TENM1: variants seen among roughly 807,000 people sequenced by gnomAD.
TENM1 encodes teneurin-1.
A neutral mutation model predicts 174.8 loss-of-function variants in TENM1; 35 were observed. That is an observed-to-expected ratio of 0.20 (90% CI 0.15 to 0.27). The LOEUF is 0.27. TENM1 is among the 10% of genes least tolerant of loss of function. TENM1 has a pLI of 1.00. For missense variants in TENM1, 1,633 were observed against 2,130.1 expected (o/e 0.77, Z 4.59); for synonymous variants, 781 against 798.7 (o/e 0.98, Z 0.37).
intron 27 of TENM1, among the ~76,000 whole-genome samples, chrX:124,394,464 ATCTTAG>A (rs1178610651): frequency 8.9e-6 from 1 of 112,075 alleles, no homozygotes; most frequent in African/African-American, 3.2e-5. Context: ...AAGAGTTTTG[ATCTTAG>A]AGGTCTGGAT....
In TENM1 at chrX:124,894,934, A is replaced by G. The variant is rs143350454; in HGVS notation, c.479-582T>C. 3.2e-3 allele frequency among the ~76,000 whole-genome samples: 352 copies of G among 111,473 alleles called. 3 individuals are homozygous for G. Among genetic ancestry groups the G allele is most frequent in the African/African-American group, 0.011 (336 of 30,717 alleles). On this transcript the variant is annotated intron_variant, in intron 2 of 31. Transcript: ENST00000422452. ...TACTCTTGGCCAAAGTCAACAATGC[A>G]TACATGAACACATACATATATGAAA...
intron 1 of TENM1, among the ~76,000 whole-genome samples, chrX:124,945,404 G>A (rs775048206): frequency 6.0e-4 from 67 of 110,799 alleles, no homozygotes; most frequent in South Asian, 1.5e-3. Flanking sequence ...GGCTTTAAGA[G>A]TATCACTCTG....
chrX:125,010,305 G>A, the TENM1 span, among the ~76,000 whole-genome samples: 1 of 110,293 alleles, frequency 9.1e-6, no homozygotes, highest in Admixed American at 9.7e-5. Context: ...TAATACCTAG[G>A]AATACAGCTA....
intron 4 of TENM1, among the ~76,000 whole-genome samples, chrX:124,708,377 C>T (rs902269057): frequency 3.6e-5 from 4 of 111,111 alleles, no homozygotes; most frequent in African/African-American, 1.3e-4. Flanking sequence ...ACAGGTCTTT[C>T]TGGAGGGCAA....
At chrX:124,655,759 G>A (rs1306087036) in intron 6 of TENM1, among the ~76,000 whole-genome samples, 2 of 112,355 alleles carry the variant, frequency 1.8e-5, no homozygotes, top group African/African-American at 6.5e-5. Flanking sequence ...ACATAATTAT[G>A]TATTACAGGA....
chrX:124,415,699 T>C (rs1488722420), intron 25 of TENM1, among the ~76,000 whole-genome samples: 1 of 111,634 alleles, frequency 9.0e-6, no homozygotes, highest in Non-Finnish European at 1.9e-5. Flanking sequence ...CATAGCTTAG[T>C]GGCTCGAGAT....
At chrX:124,768,576 T>C (rs1371221318) in intron 3 of TENM1, among the ~76,000 whole-genome samples, 1 of 112,291 alleles carries the variant, frequency 8.9e-6, no homozygotes, top group Non-Finnish European at 1.9e-5. Context: ...TCCTTTGTGT[T>C]ACAATGTTAC....
the TENM1 span, among the ~76,000 whole-genome samples, chrX:125,022,580 T>A: frequency 9.0e-6 from 1 of 111,519 alleles, no homozygotes; most frequent in Non-Finnish European, 1.9e-5. Flanking sequence ...TAGTCTGGTG[T>A]TCTAAAAGCT....
intron 23 of TENM1, among the ~76,000 whole-genome samples, chrX:124,445,861 AT>A (rs2060959906): frequency 8.9e-6 from 1 of 112,155 alleles, no homozygotes; most frequent in Non-Finnish European, 1.9e-5. Flanking sequence ...GAGCAGGATG[AT>A]TCAAAAGCAG....
chrX:124,641,737 GA>G (rs748247618), intron 11 of TENM1, 53 bp downstream of exon 14: 2 of 1,090,187 alleles, frequency 1.8e-6, no homozygotes, highest in Non-Finnish European at 2.5e-6. Context: ...CTTAAGGAAG[GA>G]ACAGTTAGAA....
intron 25 of TENM1, among the ~76,000 whole-genome samples, chrX:124,411,206 A>T (rs1887832231): frequency 9.0e-6 from 1 of 111,599 alleles, no homozygotes; most frequent in African/African-American, 3.3e-5. Flanking sequence ...TTTTGTACCC[A>T]TCCCTCCTCC....
At chrX:124,645,061 C>T in intron 10 of TENM1, 82 bp downstream of exon 13, 1 of 998,073 alleles carries the variant, frequency 1.0e-6, no homozygotes, top group Non-Finnish European at 1.4e-6. Context: ...CCACTTGCAT[C>T]TCTACTAGGA....
the TENM1 span, among the ~76,000 whole-genome samples, chrX:125,202,827 C>T: frequency 8.9e-6 from 1 of 112,569 alleles, no homozygotes; most frequent in Non-Finnish European, 1.9e-5. Context: ...ATCTCCCCTT[C>T]TCCGCCTCTA....
At chrX:125,141,432 C>G in the TENM1 span, among the ~76,000 whole-genome samples, 2 of 111,755 alleles carry the variant, frequency 1.8e-5, no homozygotes, top group Non-Finnish European at 3.8e-5. Context: ...CACTTCCTGG[C>G]ATGGCAGTTA....
At chrX:124,463,878 GAGA>G (rs1281498274) in intron 22 of TENM1, among the ~76,000 whole-genome samples, 1 of 84,844 alleles carries the variant, frequency 1.2e-5, no homozygotes, top group African/African-American at 4.1e-5. Context: ...TGTGTGTGTG[GAGA>G]GAGAGAGAGA....
chrX:125,186,001 G>T, the TENM1 span, among the ~76,000 whole-genome samples: 4 of 111,012 alleles, frequency 3.6e-5, no homozygotes, highest in African/African-American at 1.3e-4. Flanking sequence ...ATTCCACATA[G>T]ACTCTCTCAA....
chrX:124,574,192 T>G (rs1415101378), intron 11 of TENM1, among the ~76,000 whole-genome samples: 1 of 111,990 alleles, frequency 8.9e-6, no homozygotes, highest in Non-Finnish European at 1.9e-5. Context: ...TAAATTGAAC[T>G]CAGATACAAC....
At chrX:124,951,673 T>TATATATATATATAA (rs767583231) in intron 1 of TENM1, among the ~76,000 whole-genome samples, 703 of 65,969 alleles carry the variant, frequency 0.011, 6 homozygotes, top group East Asian at 0.013. Context: ...TATATATATA[T>TATATATATATATAA]AACAATCAAT....
At chrX:125,029,912 A>G in the TENM1 span, among the ~76,000 whole-genome samples, 1 of 111,999 alleles carries the variant, frequency 8.9e-6, no homozygotes, top group Non-Finnish European at 1.9e-5. Flanking sequence ...GATATGGTAG[A>G]TATTTGGAAC....
Sources: allele counts gnomAD v4.1 joint callset (sites outside exome capture counted in the v4.1 genomes callset), GRCh38; gene constraint gnomAD v4.1.1; transcripts MANE v1.5; gene names NCBI Gene and HGNC (gene_info 2026-07-23, HGNC 2026-07-21).